Variants in BTRC observed in about 807,000 individuals in gnomAD.
BTRC encodes the protein F-box/WD repeat-containing protein 1A.
A neutral mutation model predicts 85.5 loss-of-function variants in BTRC; 42 were observed. The ratio of observed to expected loss-of-function variants is 0.49; its 90% CI spans 0.38 to 0.64. The LOEUF is 0.64. Ranked by LOEUF, BTRC falls within the 30% of genes least tolerant of loss-of-function variation. The pLI, the probability that BTRC is intolerant of heterozygous loss-of-function variation, is 0.00. For missense variants in BTRC, 594 were observed against 743.5 expected, an observed-to-expected ratio of 0.80 and a Z score of 2.34; for synonymous variants, 255 against 263.3, an observed-to-expected ratio of 0.97 and a Z score of 0.30.
At chr10:101,549,331 T>G (rs750895737) in intron 13 of BTRC, among the ~76,000 whole-genome samples, 27 of 150,528 alleles carry the variant, frequency 1.8e-4, no homozygotes, top group Non-Finnish European at 2.9e-4. Flanking sequence ...CTTGGGAGGC[T>G]TAAGCAGGAA....
intron 3 of BTRC, among the ~76,000 whole-genome samples, chr10:101,463,830 G>T (rs1945293553): frequency 6.6e-6 from 1 of 151,986 alleles, no homozygotes; most frequent in African/African-American, 2.4e-5. Flanking sequence ...GAAAGTACTT[G>T]AAACTGTGAC....
chr10:101,362,147 G>C (rs1304843352), intron 1 of BTRC, among the ~76,000 whole-genome samples: 1 of 151,608 alleles, frequency 6.6e-6, no homozygotes, highest in Non-Finnish European at 1.5e-5. Flanking sequence ...TTTTAGTAGG[G>C]ATGGGGTTTC....
chr10:101,491,777 C>T (rs568836843), intron 4 of BTRC, among the ~76,000 whole-genome samples: 1 of 151,800 alleles, frequency 6.6e-6, no homozygotes, highest in Admixed American at 6.6e-5. Context: ...ATTCATGCTT[C>T]TAGATGGTTC....
At chr10:101,452,013 G>A (rs886577663) in intron 2 of BTRC, among the ~76,000 whole-genome samples, 1 of 152,162 alleles carries the variant, frequency 6.6e-6, no homozygotes, top group African/African-American at 2.4e-5. Flanking sequence ...GTTTGTCAAA[G>A]GCATTCAGAT....
At chr10:101,423,461 C>G (rs1944163174) in intron 1 of BTRC, among the ~76,000 whole-genome samples, 1 of 152,096 alleles carries the variant, frequency 6.6e-6, no homozygotes, top group Admixed American at 6.5e-5. Flanking sequence ...GAAAATTTAC[C>G]TAAACTTATA....
At chr10:101,533,885 A>G (rs1458197513) in intron 9 of BTRC, among the ~76,000 whole-genome samples, 2 of 152,204 alleles carry the variant, frequency 1.3e-5, no homozygotes, top group Admixed American at 1.3e-4. Context: ...GACATTTAAC[A>G]TTTATTGGTG....
intron 4 of BTRC, among the ~76,000 whole-genome samples, chr10:101,484,252 A>C (rs984067381): frequency 5.9e-5 from 9 of 152,288 alleles, no homozygotes; most frequent in Non-Finnish European, 1.3e-4. Flanking sequence ...TTGATAGAAG[A>C]CTTGTTTTAT....
In BTRC at chr10:101,472,302, C is replaced by CTCTTT. The variant is rs1435232504; in HGVS notation, c.235-7062_235-7061insTTCTT. Among the ~76,000 whole-genome samples the CTCTTT allele has an allele frequency of 2.0e-5, 3 of 149,292 alleles. No homozygotes were observed. The East Asian group carries it at 5.9e-4, about 29-fold the overall frequency. ...CTCTTCTCTTCTCTTCTCTTCTCTT[C>CTCTTT]TCTTCTCTTCTCTTCTCTTCTCTCT... On this transcript the variant is annotated intron_variant, in intron 3 of 14. Transcript: ENST00000370187.
In BTRC at chr10:101,547,328, C is replaced by CTTTTTT. The variant is rs71016332; in HGVS notation, c.1657-3350_1657-3345dup. On this transcript the variant is annotated intron_variant, in intron 13 of 14. Transcript: ENST00000370187. ...ATAAATAAGTAAATATATGGTTTTT[C>CTTTTTT]TTTTTTTTTTTTTTTTTTTTTTTTT... Among the ~76,000 whole-genome samples, 21 of 79,636 alleles carry CTTTTTT rather than the reference C, an allele frequency of 2.6e-4. 1 individual carries two copies. The highest frequency in any genetic ancestry group is 1.1e-3 in the South Asian group (2 of 1,810). The allele number at this position is 79,636 out of a possible 152,430, so 52.2% of individuals were successfully genotyped here. A position where few individuals can be genotyped will look rare whatever the true frequency, so the allele number is the denominator to read the frequency against.
At chr10:101,387,572 G>A (rs181008661) in intron 1 of BTRC, among the ~76,000 whole-genome samples, 7 of 93,070 alleles carry the variant, frequency 7.5e-5, no homozygotes, top group Non-Finnish European at 1.1e-4. Flanking sequence ...TGTTGCCCAG[G>A]CTGGAGTGCA....
intron 1 of BTRC, among the ~76,000 whole-genome samples, chr10:101,366,812 ATATATATTAATATATATT>A (rs1564729749): frequency 5.4e-5 from 3 of 55,386 alleles, no homozygotes; most frequent in African/African-American, 1.0e-4. Flanking sequence ...ATATATATTT[ATATATATTAATATATATT>A]TATATATATT....
chr10:101,540,160 A>T (rs977711628), intron 13 of BTRC, among the ~76,000 whole-genome samples: 4 of 152,194 alleles, frequency 2.6e-5, no homozygotes, highest in African/African-American at 9.7e-5. Flanking sequence ...ATTATGGCCT[A>T]TGTTACTTGC....
intron 4 of BTRC, among the ~76,000 whole-genome samples, chr10:101,509,409 T>C (rs1388786990): frequency 7.0e-6 from 1 of 143,434 alleles, no homozygotes; most frequent in Non-Finnish European, 1.5e-5. Flanking sequence ...CGCCCGCCAC[T>C]ACGCCCGGCT....
At chr10:101,414,278 C>T (rs527754226) in intron 1 of BTRC, among the ~76,000 whole-genome samples, 8 of 152,012 alleles carry the variant, frequency 5.3e-5, no homozygotes, top group African/African-American at 1.9e-4. Context: ...GATGGTGGTC[C>T]CTTGAGATTA....
chr10:101,542,253 C>T (rs529263316), intron 13 of BTRC, among the ~76,000 whole-genome samples: 7 of 151,820 alleles, frequency 4.6e-5, no homozygotes, highest in Non-Finnish European at 1.0e-4. Flanking sequence ...GAGCATAGTC[C>T]TGTTTCCTTT....
chr10:101,374,786 TA>T (rs35956327), intron 1 of BTRC, among the ~76,000 whole-genome samples: 89,261 of 145,360 alleles, frequency 0.61, 26,903 homozygotes, highest in East Asian at 0.76. Flanking sequence ...GTATAATAAA[TA>T]AAAAAAAAAA....
At chr10:101,522,352 T>TAAAAAAAAAAAA (rs34282047) in intron 5 of BTRC, among the ~76,000 whole-genome samples, 5 of 42,096 alleles carry the variant, frequency 1.2e-4, no homozygotes, top group African/African-American at 2.0e-4. Context: ...TATAAAGCTT[T>TAAAAAAAAAAAA]AAAAAAAAAA....
intron 3 of BTRC, among the ~76,000 whole-genome samples, chr10:101,463,080 C>CT (rs1945273405): frequency 6.7e-6 from 1 of 149,666 alleles, no homozygotes; most frequent in African/African-American, 2.5e-5. Flanking sequence ...CAGTCTTGCT[C>CT]TATCGCCCAG....
At chr10:101,373,403 A>G (rs2134552352) in intron 1 of BTRC, among the ~76,000 whole-genome samples, 1 of 152,320 alleles carries the variant, frequency 6.6e-6, no homozygotes, top group Admixed American at 6.5e-5. Context: ...AAGACATTCA[A>G]GGATATTCTG....
Sources: allele counts gnomAD v4.1 joint callset (sites outside exome capture counted in the v4.1 genomes callset), GRCh38; gene constraint gnomAD v4.1.1; transcripts MANE v1.5; gene names NCBI Gene and HGNC (gene_info 2026-07-23, HGNC 2026-07-21).